Variants in MADD observed in about 807,000 individuals in gnomAD.
MADD encodes MAP kinase activating death domain.
In MADD, 109 loss-of-function variants were observed where a neutral mutation model predicts 176.7. That is an observed-to-expected ratio of 0.62 (90% CI 0.53 to 0.72). The LOEUF (loss-of-function observed/expected upper bound fraction) is 0.72. MADD is among the 30% of genes least tolerant of loss of function. The pLI is 0.00. For synonymous variants in MADD, 771 were observed against 771.3 expected (o/e 1.00, Z 0.01); for missense variants, 1,914 against 2,045.5 (o/e 0.94, Z 1.24).
At chr11:47,293,846 T>C in intron 19 of MADD, 37 bp from the exon 22 acceptor site, 1 of 1,392,974 alleles carries the variant, frequency 7.2e-7, no homozygotes, top group Non-Finnish European at 1.0e-6. Context: ...GCCCCTAGCC[T>C]TTGTGCACGG....
At position 47,284,709 on chromosome 11, in the gene MADD, C is replaced by CT. The variant is rs886707064; in HGVS notation, c.2157+145dup. On this transcript the variant is annotated intron_variant, in intron 12 of 32. Transcript: ENST00000402192. Reference sequence around the variant, plus strand: ...CTTCATGGGCCCTAGAGCTTAGAGCCTAAGAGACCTACTTTTGACCCCAAA... The same window carrying CT: ...CTTCATGGGCCCTAGAGCTTAGAGCCTTAAGAGACCTACTTTTGACCCCAAA... The CT allele has an allele frequency of 2.6e-5, 33 of 1,251,788 alleles. 1 individual carries two copies. The African/African-American group carries it at 4.7e-4, about 18-fold the overall frequency. The allele number at this position is 1,251,788 out of a possible 1,614,324, so 77.5% of individuals were successfully genotyped here.
At chr11:47,308,443 G>A (rs12224599) in intron 22 of MADD, 148 bp from the exon 25 acceptor site, 13 of 573,054 alleles carry the variant, frequency 2.3e-5, no homozygotes, top group South Asian at 4.3e-5. Context: ...AGAAAGCAGC[G>A]TAAGTGGACT....
intron 4 of MADD, 106 bp downstream of exon 4, chr11:47,276,308 T>C: frequency 8.6e-7 from 1 of 1,166,242 alleles, no homozygotes; most frequent in Admixed American, 2.8e-5. Flanking sequence ...TTTCACCTTT[T>C]TGTCTTCAGG....
At chr11:47,274,849 C>A (rs140505071) in exon 3 of MADD, 48 of 1,614,166 alleles carry the variant, frequency 3.0e-5, no homozygotes, top group Non-Finnish European at 1.7e-6. Context: ...GGCAGGGTCC[C>A]GTGGGAAGGA....
At chr11:47,271,928 G>C (rs537635073) in intron 1 of MADD, 1 of 152,298 alleles carries the variant, frequency 6.6e-6, no homozygotes, top group African/African-American at 2.4e-5. Context: ...GGAGAACCAA[G>C]GGACTATTTG....
chr11:47,282,743 C>T (rs2057854861), intron 9 of MADD, 70 bp from the exon 10 acceptor site: 1 of 1,597,156 alleles, frequency 6.3e-7, no homozygotes, highest in South Asian at 1.1e-5. Context: ...TTTTTCCTGC[C>T]TTTCTTTCAG....
chr11:47,314,335 A>G (rs1009056954), intron 26 of MADD, among the ~76,000 whole-genome samples: 22 of 152,088 alleles, frequency 1.4e-4, no homozygotes, highest in Admixed American at 1.3e-4. Context: ...TTGGCCTCCC[A>G]AAGTGTTGGG....
At chr11:47,293,157 G>A (rs2066912344) in intron 19 of MADD, among the ~76,000 whole-genome samples, 1 of 152,010 alleles carries the variant, frequency 6.6e-6, no homozygotes, top group Admixed American at 6.6e-5. Context: ...TTATCTCATC[G>A]GGCCCAACCT....
intron 22 of MADD, 127 bp from the exon 25 acceptor site, chr11:47,308,462 CAG>C: frequency 1.7e-6 from 1 of 597,666 alleles, no homozygotes; most frequent in Non-Finnish European, 3.0e-6. Context: ...CTTGCAGAAG[CAG>C]GGGTACTGGA....
At chr11:47,308,750 C>A in intron 23 of MADD, 51 bp downstream of exon 25, 1 of 1,461,422 alleles carries the variant, frequency 6.8e-7, no homozygotes, top group Non-Finnish European at 9.6e-7. Context: ...CTGACTCAGC[C>A]AGGGGAGAGG....
chr11:47,326,970 G>C, intron 31 of MADD, 163 bp downstream of exon 35: 3 of 1,400,692 alleles, frequency 2.1e-6, no homozygotes, highest in Non-Finnish European at 2.8e-6. Flanking sequence ...GATGAGAGCC[G>C]GGATGTGGAA....
chr11:47,329,202 G>A (rs1331899838), exon 33 of MADD: 1 of 1,380,346 alleles, frequency 7.2e-7, no homozygotes, highest in South Asian at 1.2e-5. Context: ...CTGGCCCCTT[G>A]CTGTTCCCAA....
chr11:47,315,205 T>A lies in MADD; in HGVS notation c.4090-15T>A. 6.4e-7 allele frequency: 1 copy of A among 1,561,132 alleles called. No individual in the cohort carries two copies. Among genetic ancestry groups the A allele is most frequent in the South Asian group, 1.1e-5 (1 of 89,920 alleles). ...GGGATGTATGACTGTCCCTAAAAAA[T>A]CTCTCTTTCATCAGAATGGACGCGA... On this transcript the variant is annotated splice_polypyrimidine_tract_variant and intron_variant, in intron 26 of 32. Coordinates refer to ENST00000402192, the Ensembl canonical transcript of MADD.
intron 25 of MADD, 53 bp from the exon 29 acceptor site, chr11:47,311,679 T>C: frequency 9.0e-7 from 1 of 1,111,902 alleles, no homozygotes; most frequent in Non-Finnish European, 1.4e-6. Context: ...TTTCTCTACC[T>C]CAGTCGGGAG....
chr11:47,318,618 G>A (rs1318146734), intron 27 of MADD, among the ~76,000 whole-genome samples: 4 of 152,066 alleles, frequency 2.6e-5, no homozygotes. Flanking sequence ...TCTGGAGTGT[G>A]GGACTGGACC....
At chr11:47,287,782 ATTTTTT>A (rs57417064) in intron 15 of MADD, among the ~76,000 whole-genome samples, 1 of 55,028 alleles carries the variant, frequency 1.8e-5, no homozygotes, top group African/African-American at 8.2e-5. Context: ...AGAAACATGT[ATTTTTT>A]TTTTTTTTTT....
At chr11:47,290,400 C>T (rs1357087203) in intron 18 of MADD, 101 bp downstream of exon 19, 4 of 1,452,018 alleles carry the variant, frequency 2.8e-6, no homozygotes, top group Non-Finnish European at 3.7e-6. Context: ...CCCAGTGCCA[C>T]GCTGCTTCCC....
chr11:47,323,309 G>T (rs1164887172), intron 27 of MADD, among the ~76,000 whole-genome samples: 2 of 151,746 alleles, frequency 1.3e-5, no homozygotes, highest in Non-Finnish European at 2.9e-5. Flanking sequence ...TGGGGGCTGA[G>T]GCAGGAAGAA....
At chr11:47,321,060 G>A (rs767901092) in intron 27 of MADD, among the ~76,000 whole-genome samples, 2 of 152,108 alleles carry the variant, frequency 1.3e-5, no homozygotes, top group Non-Finnish European at 2.9e-5. Flanking sequence ...TAAAATTTCG[G>A]TAGATTTTGC....
Sources: allele counts gnomAD v4.1 joint callset (sites outside exome capture counted in the v4.1 genomes callset), GRCh38; gene constraint gnomAD v4.1.1; transcripts MANE v1.5; gene names NCBI Gene and HGNC (gene_info 2026-07-23, HGNC 2026-07-21).